RHOBTB1: variants seen among roughly 807,000 people sequenced by gnomAD.
RHOBTB1 encodes Rho related BTB domain containing 1.
RHOBTB1 carries 40 observed loss-of-function variants against 71.6 expected under a neutral mutation model. The observed-to-expected ratio is 0.56, with a 90% CI of 0.43 to 0.73. The LOEUF (loss-of-function observed/expected upper bound fraction) is 0.73. Ranked by LOEUF, RHOBTB1 falls within the 30% of genes least tolerant of loss-of-function variation. The pLI is 0.00. For synonymous variants in RHOBTB1, 319 were observed against 334.9 expected (o/e 0.95, Z 0.52); for missense variants, 797 against 894.0 (o/e 0.89, Z 1.38).
rs151251473 is a variant in RHOBTB1, at chr10:60,986,967, G to A, written c.-162-1022C>T. Among the ~76,000 whole-genome samples, 348 of 152,198 alleles carry A rather than the reference G, an allele frequency of 2.3e-3. 2 individuals carry two copies. Among genetic ancestry groups the A allele is most frequent in the African/African-American group, 7.2e-3 (298 of 41,536 alleles). ...TTTCTGAAGGAAATTGTTGATTGCC[G>A]GTGGCTCCAGGCCAGTTGCTGCTCA... On this transcript the variant is annotated intron_variant, in intron 1 of 11. Transcript: ENST00000357917.
intron 1 of RHOBTB1, among the ~76,000 whole-genome samples, chr10:60,942,913 CGGTTGGGG>C (rs1472415205): frequency 1.3e-5 from 2 of 151,310 alleles, no homozygotes; most frequent in Non-Finnish European, 2.9e-5. Context: ...ACCACCGCAG[CGGTTGGGG>C]GTGGGGGAGC....
intron 1 of RHOBTB1, 93 bp downstream of exon 1, chr10:60,943,878 A>C (rs1200767602): frequency 6.6e-6 from 1 of 151,736 alleles, no homozygotes; most frequent in Non-Finnish European, 1.5e-5. Context: ...CAGGGCCCCC[A>C]CTTGCCACCC....
intron 4 of RHOBTB1, among the ~76,000 whole-genome samples, chr10:60,901,648 T>C (rs2082418284): frequency 6.6e-6 from 1 of 152,250 alleles, no homozygotes; most frequent in Non-Finnish European, 1.5e-5. Context: ...TATTTCTTCA[T>C]CAGAAAGTTC....
intron 7 of RHOBTB1, among the ~76,000 whole-genome samples, chr10:60,885,738 T>C (rs1365373728): frequency 1.3e-5 from 2 of 152,186 alleles, no homozygotes; most frequent in African/African-American, 2.4e-5. Context: ...CTGGGAGACA[T>C]GCTCCTCTTG....
At chr10:60,904,733 G>A (rs1395838773) in intron 4 of RHOBTB1, among the ~76,000 whole-genome samples, 3 of 152,286 alleles carry the variant, frequency 2.0e-5, no homozygotes, top group Non-Finnish European at 2.9e-5. Context: ...TCTTACATCC[G>A]AATGACTGCT....
intron 2 of RHOBTB1, among the ~76,000 whole-genome samples, chr10:60,929,143 CT>C (rs2084076533): frequency 6.6e-6 from 1 of 152,142 alleles, no homozygotes; most frequent in Non-Finnish European, 1.5e-5. Context: ...CAGGCCCCTC[CT>C]TCAACATGTG....
intron 4 of RHOBTB1, 149 bp downstream of exon 4, chr10:60,910,738 T>A (rs1213070471): frequency 1.7e-6 from 1 of 573,684 alleles, no homozygotes; most frequent in Non-Finnish European, 3.1e-6. Context: ...AATACCATTT[T>A]TTTTTCTTTT....
intron 2 of RHOBTB1, among the ~76,000 whole-genome samples, chr10:60,975,578 G>A (rs2134729741): frequency 6.6e-6 from 1 of 152,192 alleles, no homozygotes; most frequent in South Asian, 2.1e-4. Context: ...GTGCTGTGCT[G>A]ACTTTATGTG....
chr10:60,943,037 T>C (rs370418509), intron 1 of RHOBTB1, among the ~76,000 whole-genome samples: 8 of 152,284 alleles, frequency 5.3e-5, no homozygotes, highest in African/African-American at 1.9e-4. Flanking sequence ...CTTCTGGTCT[T>C]AACTTCCTAG....
chr10:60,896,901 C>T (rs1488749224), intron 4 of RHOBTB1, among the ~76,000 whole-genome samples: 1 of 152,096 alleles, frequency 6.6e-6, no homozygotes, highest in Non-Finnish European at 1.5e-5. Flanking sequence ...ACCAAGTCAT[C>T]CAAAAATGCC....
upstream of RHOBTB1, among the ~76,000 whole-genome samples, chr10:61,001,821 CAGGGCCCGA>C (rs2087290970): frequency 6.6e-6 from 1 of 152,174 alleles, no homozygotes; most frequent in Non-Finnish European, 1.5e-5. Flanking sequence ...ATTCTCCGCT[CAGGGCCCGA>C]GGGGCCGCCC....
intron 2 of RHOBTB1, among the ~76,000 whole-genome samples, chr10:60,968,150 G>A (rs1478294760): frequency 6.6e-6 from 1 of 152,052 alleles, no homozygotes; most frequent in Non-Finnish European, 1.5e-5. Context: ...CAATTCAAAT[G>A]TAGCTCCATC....
At position 60,888,900 on chromosome 10, in the gene RHOBTB1, A is replaced by G. The variant is rs768417070; in HGVS notation, c.768T>C (p.Ala256=). 3.1e-6 allele frequency: 5 copies of G among 1,614,104 alleles called. No homozygotes were observed. Among genetic ancestry groups the G allele is most frequent in the Non-Finnish European group, 4.2e-6 (5 of 1,180,040 alleles). The change falls in exon 6 of 11, where the codon GCT becomes GCC. Residue 256 remains alanine (A), a synonymous_variant. Transcript: ENST00000337910. ...ATAGAGGATTGTCCAGTAAACAGGC[A>G]GCTTCATTTGTCCCCATGGAAGGAC... The part of the protein sequence containing the change: ...PECPSMGTNE[A]ACLLDNPLCA...
At chr10:60,869,326 G>C (rs189846182), downstream of RHOBTB1, 2 of 152,228 alleles carry the variant, frequency 1.3e-5, no homozygotes, top group Admixed American at 6.5e-5. Context: ...TTTGTTACTG[G>C]AGCATGCACA....
chr10:60,895,585 G>A (rs979740690), intron 4 of RHOBTB1, among the ~76,000 whole-genome samples: 1 of 152,100 alleles, frequency 6.6e-6, no homozygotes, highest in Non-Finnish European at 1.5e-5. Context: ...TGTATTTTTA[G>A]TAGAGACGGG....
chr10:60,945,391 C>T (rs2085181495), upstream of RHOBTB1, among the ~76,000 whole-genome samples: 1 of 152,100 alleles, frequency 6.6e-6, no homozygotes, highest in Admixed American at 6.5e-5. Flanking sequence ...GTAATGTGTT[C>T]CTAAGATACT....
At chr10:60,975,786 C>T (rs906288032) in intron 2 of RHOBTB1, among the ~76,000 whole-genome samples, 3 of 152,012 alleles carry the variant, frequency 2.0e-5, no homozygotes, top group African/African-American at 7.2e-5. Context: ...ATAATATATA[C>T]AAAGATGACC....
chr10:60,880,965 T>A (rs557233510), intron 7 of RHOBTB1, among the ~76,000 whole-genome samples: 23 of 152,248 alleles, frequency 1.5e-4, no homozygotes, highest in African/African-American at 5.5e-4. Flanking sequence ...AGTGATATGG[T>A]TTGGCTGTGC....
At chr10:60,882,132 T>C (rs2081354540) in intron 7 of RHOBTB1, among the ~76,000 whole-genome samples, 1 of 151,826 alleles carries the variant, frequency 6.6e-6, no homozygotes, top group South Asian at 2.1e-4. Flanking sequence ...AAAAATAATA[T>C]AAGCAAAGCT....
Sources: gnomAD v4.1 joint callset for allele counts (sites outside exome capture counted in the v4.1 genomes callset) on GRCh38, gnomAD v4.1.1 for gene constraint, MANE v1.5 for transcripts, NCBI Gene and HGNC (gene_info 2026-07-23, HGNC 2026-07-21) for gene names.